SRGAP2: variants seen among roughly 807,000 people sequenced by gnomAD.
The protein encoded by SRGAP2 is SLIT-ROBO Rho GTPase-activating protein 2.
Under a neutral mutation model 57.2 loss-of-function variants are expected in SRGAP2, and 15 were observed. The ratio of observed to expected loss-of-function variants is 0.26; its 90% CI spans 0.18 to 0.40. The LOEUF (loss-of-function observed/expected upper bound fraction) is 0.40, where lower values mean the gene tolerates loss of function less well. SRGAP2 is among the 10% of genes least tolerant of loss of function. The probability of loss-of-function intolerance (pLI) is 1.00; values close to 1 mark genes in which losing one functional copy is unlikely to be tolerated. For synonymous variants in SRGAP2, 249 were observed against 248.0 expected, an observed-to-expected ratio of 1.00 and a Z score of -0.04; for missense variants, 520 against 669.6, an observed-to-expected ratio of 0.78 and a Z score of 2.47.
At chr1:206,450,106 A>G (rs1050223419) in intron 18 of SRGAP2, among the ~76,000 whole-genome samples, 10 of 152,096 alleles carry the variant, frequency 6.6e-5, no homozygotes, top group African/African-American at 1.9e-4. Context: ...GTTGTTCTCT[A>G]TTTTCTAAAG....
chr1:206,305,827 G>A (rs1455943417), intron 3 of SRGAP2, among the ~76,000 whole-genome samples: 1 of 151,914 alleles, frequency 6.6e-6, no homozygotes, highest in Non-Finnish European at 1.5e-5. Context: ...AGGTTGAGGA[G>A]AACATGACAT....
At chr1:206,205,171 T>TGGTGCCCCGCGTTCCTGCAGTCCCCGCCC (rs1665801463) in intron 1 of SRGAP2, 1 of 152,010 alleles carries the variant, frequency 6.6e-6, no homozygotes, top group East Asian at 1.9e-4. Context: ...AGTCCCCGCC[T>TGGTGCCCCGCGTTCCTGCAGTCCCCGCCC]GGTGCCCCGC....
chr1:206,425,548 T>A (rs1660717758), intron 13 of SRGAP2, among the ~76,000 whole-genome samples: 1 of 152,174 alleles, frequency 6.6e-6, no homozygotes, highest in Non-Finnish European at 1.5e-5. Flanking sequence ...TTTGTTTTGT[T>A]TTTTGAGACA....
chr1:206,215,246 CTAAA>C (rs1666576813), intron 2 of SRGAP2, among the ~76,000 whole-genome samples: 2 of 132,622 alleles, frequency 1.5e-5, no homozygotes, highest in African/African-American at 5.8e-5. Context: ...ATATTAAATG[CTAAA>C]TAAATAGCTT....
chr1:206,402,126 C>T (rs1289979530), intron 8 of SRGAP2, among the ~76,000 whole-genome samples: 1 of 151,994 alleles, frequency 6.6e-6, no homozygotes, highest in Non-Finnish European at 1.5e-5. Flanking sequence ...GCAGGGAATG[C>T]TGTGATCTTT....
At chr1:206,366,383 A>G (rs559656411) in intron 4 of SRGAP2, among the ~76,000 whole-genome samples, 5 of 152,342 alleles carry the variant, frequency 3.3e-5, no homozygotes, top group African/African-American at 1.2e-4. Flanking sequence ...GCACAGTGAC[A>G]CAAAGGGTGT....
At chr1:206,409,797 G>C (rs1224901389) in intron 10 of SRGAP2, among the ~76,000 whole-genome samples, 3 of 147,514 alleles carry the variant, frequency 2.0e-5, no homozygotes, top group African/African-American at 5.0e-5. Context: ...AAAAAAGAAA[G>C]ATTAAAAAAT....
chr1:206,241,886 ATTT>A (rs1180056225), intron 2 of SRGAP2, among the ~76,000 whole-genome samples: 1 of 142,458 alleles, frequency 7.0e-6, no homozygotes, highest in Non-Finnish European at 1.5e-5. Context: ...TATTATTATT[ATTT>A]TTTAATGCTG....
intron 3 of SRGAP2, among the ~76,000 whole-genome samples, chr1:206,313,918 T>G (rs1672858519): frequency 6.6e-6 from 1 of 151,518 alleles, no homozygotes; most frequent in Admixed American, 6.6e-5. Context: ...GCTTACAGTC[T>G]AGAGACAGGT....
intron 13 of SRGAP2, among the ~76,000 whole-genome samples, chr1:206,427,679 C>G (rs1257781875): frequency 1.3e-5 from 2 of 152,224 alleles, no homozygotes; most frequent in Non-Finnish European, 2.9e-5. Flanking sequence ...GCAGAAGCTA[C>G]ACAGACCCAT....
intron 3 of SRGAP2, among the ~76,000 whole-genome samples, chr1:206,311,257 ACAATC>A (rs1553324056): frequency 2.8e-4 from 43 of 152,220 alleles, no homozygotes; most frequent in African/African-American, 1.0e-3. Context: ...ATATTGGGGG[ACAATC>A]AGCAGCATCT....
intron 10 of SRGAP2, among the ~76,000 whole-genome samples, chr1:206,412,611 T>A (rs1659316601): frequency 6.6e-6 from 1 of 152,174 alleles, no homozygotes; most frequent in Non-Finnish European, 1.5e-5. Context: ...ATTTTGAGAT[T>A]GGAGATTATA....
chr1:206,431,947 A>G (rs1397961924), intron 14 of SRGAP2, among the ~76,000 whole-genome samples: 1 of 152,262 alleles, frequency 6.6e-6, no homozygotes, highest in Non-Finnish European at 1.5e-5. Flanking sequence ...GAGCAGAGCA[A>G]ATGAAAAAGG....
In SRGAP2 at chr1:206,359,447, A is replaced by G. The variant is rs1366717179; in HGVS notation, c.423+16439A>G. On this transcript the variant is annotated intron_variant, in intron 4 of 22. Transcript: ENST00000573034. The stretch of plus-strand genomic sequence containing the variant: ...GCCTGCTACAATAATTCAGAGGGAT[A>G]ATAGAAACTTGGATAATGACAATGG... 2.6e-3 allele frequency among the ~76,000 whole-genome samples: 128 copies of G among 48,838 alleles called. 1 individual carries two copies. The highest frequency in any genetic ancestry group is 9.9e-3 in the African/African-American group (116 of 11,734). 32.0% of individuals were successfully genotyped at this position (48,838 alleles called of 152,430 possible). A position where few individuals can be genotyped will look rare whatever the true frequency, so the allele number is the denominator to read the frequency against.
In SRGAP2 at chr1:206,429,373, C is replaced by T. The variant is rs116888773; in HGVS notation, c.1495-789C>T. Among the ~76,000 whole-genome samples the T allele has an allele frequency of 5.4e-3, 824 of 152,360 alleles. 30 individuals carry two copies. The East Asian group carries it at 0.062, about 12-fold the overall frequency. On this transcript the variant is annotated intron_variant, in intron 13 of 22. Coordinates refer to ENST00000573034, the MANE Select transcript of SRGAP2 (RefSeq NM_015326.5). Reference sequence around the variant, plus strand: ...TTCAACTGAGAATAATTGAGCACCTCTTATGTGAGAGCATCATGGCCAACC... The same window carrying T: ...TTCAACTGAGAATAATTGAGCACCTTTTATGTGAGAGCATCATGGCCAACC...
intron 2 of SRGAP2, among the ~76,000 whole-genome samples, chr1:206,239,834 T>G (rs1235133808): frequency 6.6e-6 from 1 of 151,504 alleles, no homozygotes; most frequent in Non-Finnish European, 1.5e-5. Context: ...TCCACATGTC[T>G]GCAACAGTTA....
chr1:206,416,833 T>A (rs1659752841), intron 11 of SRGAP2, among the ~76,000 whole-genome samples: 1 of 151,500 alleles, frequency 6.6e-6, no homozygotes, highest in Non-Finnish European at 1.5e-5. Context: ...AGGGAGAAGC[T>A]GCAGGGAATA....
intron 4 of SRGAP2, among the ~76,000 whole-genome samples, chr1:206,367,676 GGGT>G (rs1553341887): frequency 7.3e-6 from 1 of 137,656 alleles, no homozygotes; most frequent in African/African-American, 2.7e-5. Context: ...ACTCTTCAGA[GGGT>G]GGTGAGTAAA....
chr1:206,453,559 C>T, intron 20 of SRGAP2, 179 bp downstream of exon 20: 1 of 361,966 alleles, frequency 2.8e-6, no homozygotes, highest in Non-Finnish European at 4.9e-6. Flanking sequence ...ACTCCCTGCA[C>T]TCAGTGGAGA....
Sources: allele counts gnomAD v4.1 joint callset (sites outside exome capture counted in the v4.1 genomes callset), GRCh38; gene constraint gnomAD v4.1.1; transcripts MANE v1.5; gene names NCBI Gene and HGNC (gene_info 2026-07-23, HGNC 2026-07-21).